SYTL1: variants seen among roughly 807,000 people sequenced by gnomAD.
SYTL1 encodes synaptotagmin like 1.
A neutral mutation model predicts 74.6 loss-of-function variants in SYTL1; 53 were observed. The ratio of observed to expected loss-of-function variants is 0.71; its 90% confidence interval spans 0.57 to 0.89. The LOEUF (loss-of-function observed/expected upper bound fraction) is 0.89, where lower values mean the gene tolerates loss of function less well. Ranked by LOEUF, SYTL1 falls within the 40% of genes least tolerant of loss-of-function variation. SYTL1 has a pLI of 0.00. For missense variants in SYTL1, 728 were observed against 768.7 expected (o/e 0.95, Z 0.63); for synonymous variants, 329 against 324.9 (o/e 1.01, Z -0.14).
In SYTL1 at chr1:27,348,090, C is replaced by T. The variant is rs1489741219; in HGVS notation, c.459+78C>T. The T allele has an allele frequency of 4.8e-5, 69 of 1,432,630 alleles. No homozygotes were observed. Among genetic ancestry groups the T allele is most frequent in the Non-Finnish European group, 1.2e-5 (12 of 1,016,816 alleles). 88.7% of individuals were successfully genotyped at this position (1,432,630 alleles called of 1,614,324 possible). A position where few individuals can be genotyped will look rare whatever the true frequency, so the allele number is the denominator to read the frequency against. On this transcript the variant is annotated intron_variant, in intron 5 of 14. Coordinates refer to ENST00000616558, the MANE Select transcript of SYTL1 (RefSeq NM_001193308.2). The surrounding 1 kb of genome is among the most constrained non-coding windows in gnomAD (Gnocchi z 4.1). The stretch of plus-strand genomic sequence containing the variant: ...TGTGCAGGGGGCAGGGGGGAAAGAG[C>T]CCCAGCCTGGGAATGGGGAGACCCT...
In SYTL1 at chr1:27,349,985, A is replaced by G; in HGVS notation, c.761A>G (p.Gln254Arg). Residue 254 changes from glutamine to arginine, a missense_variant, in exon 9 of 15, where the codon CAG becomes CGG. Physicochemically the swap from Gln to Arg is conservative, Grantham distance 43. Coordinates refer to ENST00000616558, the MANE Select transcript of SYTL1 (RefSeq NM_001193308.2). ...TCCCGTCCGCAGCTGAGCGGCAGCC[A>G]GATGAGCCTGTCAGGCGACGCGGAG... ...SLNSSTLSGSQMSLSGDAEAV... is the reference protein window; with the variant it reads ...SLNSSTLSGSRMSLSGDAEAV... 6.4e-7 allele frequency: 1 copy of G among 1,573,088 alleles called. No homozygotes were observed. Among genetic ancestry groups the G allele is most frequent in the Middle Eastern group, 1.7e-4 (1 of 5,840 alleles).
At chr1:27,353,540 G>A in intron 14 of SYTL1, 52 bp downstream of exon 14, 1 of 1,559,492 alleles carries the variant, frequency 6.4e-7, no homozygotes, top group Non-Finnish European at 8.7e-7. Context: ...CTGGGAGATG[G>A]GGGCTCAGTG....
In SYTL1 at chr1:27,345,558, C is replaced by T. The variant is rs1408102911; in HGVS notation, c.191+33C>T. ...AGGGCAGACCCTGGCCGGGGAGCACCAAGAGGCTTGAGTGGCCCCCATCCT... is the reference window on the plus strand; with the variant it reads ...AGGGCAGACCCTGGCCGGGGAGCACTAAGAGGCTTGAGTGGCCCCCATCCT... On this transcript the variant is annotated intron_variant, in intron 2 of 14. Coordinates refer to ENST00000616558, the MANE Select transcript of SYTL1 (RefSeq NM_001193308.2). This position sits in a 1 kb window ranked among gnomAD's most constrained non-coding sequence, Gnocchi z 6.0. The T allele has an allele frequency of 1.4e-6, 2 of 1,462,418 alleles. No individual in the cohort carries two copies. The highest frequency in any genetic ancestry group is 5.0e-5 in the East Asian group (2 of 40,116). The allele number at this position is 1,462,418 out of a possible 1,614,324, so 90.6% of individuals were successfully genotyped here.
chr1:27,350,537 T>A lies in SYTL1; in HGVS notation c.1005+52T>A. On this transcript the variant is annotated intron_variant, in intron 10 of 14. Transcript: ENST00000616558. This position sits in a 1 kb window ranked among gnomAD's most constrained non-coding sequence, Gnocchi z 6.3. ...CCCGTTAATGAACTGGACGCCCCCT[T>A]CCTGCGGGGCTAGGTGGCAAGGGCA... The A allele has an allele frequency of 6.8e-7, 1 of 1,471,032 alleles. No homozygotes were observed. The highest frequency in any genetic ancestry group is 9.4e-7 in the Non-Finnish European group (1 of 1,062,612). The allele number at this position is 1,471,032 out of a possible 1,614,324, so 91.1% of individuals were successfully genotyped here.
rs147660450 is a variant in SYTL1, at chr1:27,348,364, G to A, written c.459+352G>A. 2.3e-3 allele frequency among the ~76,000 whole-genome samples: 355 copies of A among 152,040 alleles called. 3 individuals carry two copies. The highest frequency in any genetic ancestry group is 8.2e-3 in the African/African-American group (340 of 41,432). ...ATGTGGGAGGATCGCTTGAGCCGAGGAGTTCAAGACCAGCCTGGGCAACAT... is the reference window on the plus strand; with the variant it reads ...ATGTGGGAGGATCGCTTGAGCCGAGAAGTTCAAGACCAGCCTGGGCAACAT... On this transcript the variant is annotated intron_variant, in intron 5 of 14. Coordinates refer to ENST00000616558, the MANE Select transcript of SYTL1 (RefSeq NM_001193308.2). This position sits in a 1 kb window ranked among gnomAD's most constrained non-coding sequence, Gnocchi z 4.1.
In SYTL1 at chr1:27,347,850, T is replaced by G. The variant is rs375355898; in HGVS notation, c.383T>G (p.Val128Gly). Residue 128 changes from valine to glycine, a missense_variant, in exon 4 of 15, where the codon GTG becomes GGG. Val to Gly is a moderately radical substitution (Grantham distance 109). Coordinates refer to ENST00000616558, the MANE Select transcript of SYTL1 (RefSeq NM_001193308.2). This position sits in a 1 kb window ranked among gnomAD's most constrained non-coding sequence, Gnocchi z 4.9. ...CACGACAGGGAGGCTGAGGCTGCTG[T>G]GAAAGAGAAGGAAGAGGGGCCAGAG... ...PGHDREAEAA[V>G]KEKEEGPEPR... 7.4e-6 allele frequency: 12 copies of G among 1,613,632 alleles called. No homozygotes were observed. Among genetic ancestry groups the G allele is most frequent in the Non-Finnish European group, 1.0e-5 (12 of 1,179,828 alleles).
In SYTL1 at chr1:27,349,501, AGGCGGGAGT is replaced by A. The variant is rs2015148081; in HGVS notation, c.633+7_633+15del. ...AGCCGCGGCCCCAGCAAGCCCAGGT[AGGCGGGAGT>A]GGCCCGTGGCTGCTCTCAACATCCG... is the stretch of plus-strand genomic sequence containing the variant. On this transcript the variant is annotated splice_donor_5th_base_variant and intron_variant, in intron 7 of 14. Transcript: ENST00000616558. The A allele has an allele frequency of 2.1e-6, 3 of 1,428,262 alleles. No homozygotes were observed. The highest frequency in any genetic ancestry group is 2.8e-6 in the Non-Finnish European group (3 of 1,087,702). 88.5% of individuals were successfully genotyped at this position (1,428,262 alleles called of 1,614,324 possible). A position where few individuals can be genotyped will look rare whatever the true frequency, so the allele number is the denominator to read the frequency against.
chr1:27,345,574 C>A lies in SYTL1; in HGVS notation c.191+49C>A. 1 of 1,316,566 alleles carries A rather than the reference C, an allele frequency of 7.6e-7. No homozygotes were observed. The highest frequency in any genetic ancestry group is 1.4e-5 in the South Asian group (1 of 72,270). 81.6% of individuals were successfully genotyped at this position (1,316,566 alleles called of 1,614,324 possible). On this transcript the variant is annotated intron_variant, in intron 2 of 14. Coordinates refer to ENST00000616558, the MANE Select transcript of SYTL1 (RefSeq NM_001193308.2). The surrounding 1 kb of genome is among the most constrained non-coding windows in gnomAD (Gnocchi z 6.0). ...GGGGAGCACCAAGAGGCTTGAGTGG[C>A]CCCCATCCTGCTCCCTACCGACACC...
In SYTL1 at chr1:27,350,938, C is replaced by A. The variant is rs1416628315; in HGVS notation, c.1150C>A (p.Pro384Thr). 6.2e-7 allele frequency: 1 copy of A among 1,613,072 alleles called. No homozygotes were observed. Among genetic ancestry groups the A allele is most frequent in the Admixed American group, 1.7e-5 (1 of 60,002 alleles). ...WDWGSEPTWL[P>T]LQPRVPPSPD... ...CTGGGGCTCTGAGCCCACCTGGCTC[C>A]CCCTGCAGCCCCGGGTGAGGCAGCC... The change falls in exon 11 of 15, where the codon CCC (proline) becomes ACC (threonine). Residue 384 changes from proline to threonine, a missense_variant. Pro to Thr is a conservative substitution (Grantham distance 38). Coordinates refer to ENST00000616558, the MANE Select transcript of SYTL1 (RefSeq NM_001193308.2). This position sits in a 1 kb window ranked among gnomAD's most constrained non-coding sequence, Gnocchi z 6.3.
At position 27,351,486 on chromosome 1, in the gene SYTL1, A is replaced by T; in HGVS notation, c.1274A>T (p.His425Leu). Reference sequence around the variant, plus strand: ...GGACTGCCCCCGAGCGGGGAGCTGCACTTCTGGGTGAAGGAGGCTCGGGAC... The same window carrying T: ...GGACTGCCCCCGAGCGGGGAGCTGCTCTTCTGGGTGAAGGAGGCTCGGGAC... Reference protein sequence around the residue: ...GAGLPPSGELHFWVKEARDLL... With the variant: ...GAGLPPSGELLFWVKEARDLL... The change falls in exon 13 of 15, where the codon CAC (histidine) becomes CTC (leucine). Residue 425 changes from histidine (H) to leucine (L), a missense_variant. His to Leu is a moderately conservative substitution (Grantham distance 99, BLOSUM62 -3). Coordinates refer to ENST00000616558, the MANE Select transcript of SYTL1 (RefSeq NM_001193308.2). This position sits in a 1 kb window ranked among gnomAD's most constrained non-coding sequence, Gnocchi z 5.0. 6.5e-7 allele frequency: 1 copy of T among 1,548,238 alleles called. No individual in the cohort carries two copies. Among genetic ancestry groups the T allele is most frequent in the Admixed American group, 2.0e-5 (1 of 50,560 alleles).
chr1:27,353,259 G>A (rs1455309101), intron 13 of SYTL1, 24 bp from the exon 14 acceptor site: 11 of 1,565,860 alleles, frequency 7.0e-6, no homozygotes, highest in African/African-American at 1.4e-5. Context: ...GGGGTCACCT[G>A]ATGCCAGGCC....
At position 27,349,159 on chromosome 1, in the gene SYTL1, G is replaced by A; in HGVS notation, c.532+7G>A. On this transcript the variant is annotated splice_region_variant and intron_variant, in intron 6 of 14. Coordinates refer to ENST00000616558, the MANE Select transcript of SYTL1 (RefSeq NM_001193308.2). Reference sequence around the variant, plus strand: ...GCGTCCCAGGCCCAGGAAGGTGAGTGGGAGCGCCTGTTGGGGAGCACGGAG... The same window carrying A: ...GCGTCCCAGGCCCAGGAAGGTGAGTAGGAGCGCCTGTTGGGGAGCACGGAG... 6.2e-7 allele frequency: 1 copy of A among 1,613,060 alleles called. No individual in the cohort carries two copies. Among genetic ancestry groups the A allele is most frequent in the South Asian group, 1.1e-5 (1 of 91,036 alleles).
rs2015192655 is a variant in SYTL1 at position 27,350,099 on chromosome 1, G to A, written c.875G>A (p.Gly292Asp). The change falls in exon 9 of 15, where the codon GGC becomes GAC. Residue 292 changes from glycine (G) to aspartate (D), a missense_variant. Physicochemically the swap from Gly to Asp is moderately conservative, Grantham distance 94 (BLOSUM62 -1). Coordinates refer to ENST00000616558, the MANE Select transcript of SYTL1 (RefSeq NM_001193308.2). The surrounding 1 kb of genome is among the most constrained non-coding windows in gnomAD (Gnocchi z 6.3). ...CGCGTGCACGTGATCCAGTGCCAGGGCCTGGCCGCCGCCCGGCGCCGCCGC... is the reference window on the plus strand; with the variant it reads ...CGCGTGCACGTGATCCAGTGCCAGGACCTGGCCGCCGCCCGGCGCCGCCGC... Reference protein sequence around the residue: ...ELRVHVIQCQGLAAARRRRSD... With the variant: ...ELRVHVIQCQDLAAARRRRSD... 1.4e-6 allele frequency: 2 copies of A among 1,411,286 alleles called. No individual in the cohort carries two copies. The highest frequency in any genetic ancestry group is 9.2e-7 in the Non-Finnish European group (1 of 1,089,398). 87.4% of individuals were successfully genotyped at this position (1,411,286 alleles called of 1,614,324 possible). A position where few individuals can be genotyped will look rare whatever the true frequency, so the allele number is the denominator to read the frequency against.
chr1:27,350,728 C>A lies in SYTL1; in HGVS notation c.1006-66C>A. The A allele has an allele frequency of 6.4e-7, 1 of 1,569,698 alleles. No individual in the cohort carries two copies. ...AGGAACGCGGTAGGACCTGCCTCAG[C>A]CAACTCGCGCAGCATCTACGCGGGC... On this transcript the variant is annotated intron_variant, in intron 10 of 14. Coordinates refer to ENST00000616558, the MANE Select transcript of SYTL1 (RefSeq NM_001193308.2). This position sits in a 1 kb window ranked among gnomAD's most constrained non-coding sequence, Gnocchi z 6.3.
chr1:27,349,602 G>C (rs1429397962), intron 7 of SYTL1, 50 bp from the exon 8 acceptor site: 1 of 1,553,856 alleles, frequency 6.4e-7, no homozygotes, highest in East Asian at 2.4e-5. Flanking sequence ...AGGGCGCTCG[G>C]GGCAGGGGTG....
At position 27,342,707 on chromosome 1, in the gene SYTL1, G is replaced by A. The variant is rs138409910; in HGVS notation, c.-39+557G>A. 1.1e-4 allele frequency among the ~76,000 whole-genome samples: 16 copies of A among 152,160 alleles called. No individual in the cohort carries two copies. The highest frequency in any genetic ancestry group is 1.8e-4 in the Non-Finnish European group (12 of 68,034). On this transcript the variant is annotated intron_variant, in intron 1 of 14. Transcript: ENST00000616558. The surrounding 1 kb of genome is among the most constrained non-coding windows in gnomAD (Gnocchi z 4.7). ...TATAGTCACCATGCAGCATCACACT[G>A]CAACAGGACACAAAGACACACAGCA...
rs1393653476 is a variant in SYTL1, at chr1:27,349,964, G to A, written c.748-8G>A. 5 of 1,571,434 alleles carry A rather than the reference G, an allele frequency of 3.2e-6. No individual in the cohort carries two copies. The South Asian group carries it at 3.4e-5, about 11-fold the overall frequency. On this transcript the variant is annotated splice_region_variant and splice_polypyrimidine_tract_variant and intron_variant, in intron 8 of 14. Transcript: ENST00000616558. ...GCGGCCCTGACTCCCACCCACTCCC[G>A]TCCGCAGCTGAGCGGCAGCCAGATG... is the stretch of plus-strand genomic sequence containing the variant.
intron 13 of SYTL1, 117 bp from the exon 14 acceptor site, chr1:27,353,162 CCAGG>C: frequency 9.8e-7 from 1 of 1,024,758 alleles, no homozygotes; most frequent in Non-Finnish European, 1.5e-6. Flanking sequence ...GGGTCTAAGG[CCAGG>C]CAGGCAGGAG....
At chr1:27,349,817 TG>T (rs2015172949) in intron 8 of SYTL1, 52 bp downstream of exon 8, 2 of 1,549,436 alleles carry the variant, frequency 1.3e-6, no homozygotes, top group Non-Finnish European at 1.7e-6. Flanking sequence ...CCCGTTCCGA[TG>T]CGTAGCCCCT....
Sources: gnomAD v4.1 joint callset for allele counts (sites outside exome capture counted in the v4.1 genomes callset) on GRCh38, gnomAD v4.1.1 for gene constraint, Gnocchi (gnomAD v3.1) non-coding constraint, MANE v1.5 for transcripts, NCBI Gene and HGNC (gene_info 2026-07-23, HGNC 2026-07-21) for gene names.